The following CHN1 variants were observed in gnomAD, a reference collection of about 807,000 sequenced individuals.
The protein encoded by CHN1 is N-chimaerin.
CHN1 carries 37 observed loss-of-function variants against 59.5 expected under a neutral mutation model. That is an observed-to-expected ratio of 0.62 (90% CI 0.48 to 0.82). The LOEUF (loss-of-function observed/expected upper bound fraction) is 0.82, where lower values mean the gene tolerates loss of function less well. CHN1 is among the 40% of genes least tolerant of loss of function. CHN1 has a pLI of 0.00. For missense variants in CHN1, 469 were observed against 571.0 expected (o/e 0.82, Z 1.82); for synonymous variants, 206 against 200.4 (o/e 1.03, Z -0.24).
chr2:174,803,047 A>G (rs959027702), intron 11 of CHN1, among the ~76,000 whole-genome samples: 4 of 152,040 alleles, frequency 2.6e-5, no homozygotes, highest in Non-Finnish European at 4.4e-5. Context: ...TTGGGGGGGA[A>G]TTAAAAAAAG....
At chr2:174,918,605 G>T in intron 3 of CHN1, 40 bp from the exon 4 acceptor site, 1 of 1,514,316 alleles carries the variant, frequency 6.6e-7, no homozygotes, top group South Asian at 1.2e-5. Flanking sequence ...TTGTAAAAAT[G>T]CAAATGTGCA....
intron 11 of CHN1, chr2:174,802,036 G>A (rs1684739925): frequency 2.6e-6 from 1 of 391,616 alleles, no homozygotes. Flanking sequence ...TTTTGGGGAT[G>A]GAGGGAACAT....
At chr2:174,975,144 C>T (rs540755566) in intron 1 of CHN1, among the ~76,000 whole-genome samples, 14 of 152,202 alleles carry the variant, frequency 9.2e-5, no homozygotes, top group African/African-American at 3.4e-4. Context: ...TAGCAAAAAG[C>T]TGACACAATC....
At chr2:174,947,120 A>G (rs1426955108) in intron 2 of CHN1, among the ~76,000 whole-genome samples, 1 of 152,132 alleles carries the variant, frequency 6.6e-6, no homozygotes, top group Admixed American at 6.6e-5. Context: ...GTTAATACAG[A>G]AAGTAAAATG....
At chr2:174,915,514 GA>G (rs202071415) in intron 4 of CHN1, among the ~76,000 whole-genome samples, 437 of 140,866 alleles carry the variant, frequency 3.1e-3, no homozygotes, top group African/African-American at 7.1e-3. Flanking sequence ...CTAAAGAAAA[GA>G]AAAAAAAAAA....
At chr2:174,826,528 G>T (rs770223702) in intron 7 of CHN1, among the ~76,000 whole-genome samples, 1 of 152,182 alleles carries the variant, frequency 6.6e-6, no homozygotes, top group Non-Finnish European at 1.5e-5. Flanking sequence ...TGCAATGAAA[G>T]TATGAAGGAA....
At chr2:174,967,679 T>C (rs1690636616) in intron 1 of CHN1, among the ~76,000 whole-genome samples, 1 of 152,258 alleles carries the variant, frequency 6.6e-6, no homozygotes, top group Admixed American at 6.5e-5. Flanking sequence ...AGTGGAGATT[T>C]TCCTTGTCAG....
At chr2:174,860,666 A>G (rs1010143642) in intron 6 of CHN1, among the ~76,000 whole-genome samples, 2 of 152,182 alleles carry the variant, frequency 1.3e-5, no homozygotes, top group African/African-American at 4.8e-5. Flanking sequence ...TAATAAATAA[A>G]TTGTAATTGA....
chr2:174,842,211 G>A (rs1404303397), intron 7 of CHN1, among the ~76,000 whole-genome samples: 3 of 152,106 alleles, frequency 2.0e-5, no homozygotes, highest in Non-Finnish European at 4.4e-5. Flanking sequence ...ACTAGACATC[G>A]GGAAAGGGCA....
At position 174,827,687 on chromosome 2, in the gene CHN1, C is replaced by T. The variant is rs116712155; in HGVS notation, c.628-3169G>A. 4.7e-3 allele frequency among the ~76,000 whole-genome samples: 708 copies of T among 151,970 alleles called. 5 individuals are homozygous for T. Among genetic ancestry groups the T allele is most frequent in the African/African-American group, 0.016 (669 of 41,486 alleles). On this transcript the variant is annotated intron_variant, in intron 7 of 12. Coordinates refer to ENST00000409900, the MANE Select transcript of CHN1 (RefSeq NM_001822.7). ...CTATGGCAGTCACCCAGACAACAGA[C>T]GATATGGAGCTGAACTCGGGCAGTG...
intron 6 of CHN1, among the ~76,000 whole-genome samples, chr2:174,869,989 G>T (rs1420859971): frequency 6.6e-6 from 1 of 152,144 alleles, no homozygotes; most frequent in African/African-American, 2.4e-5. Flanking sequence ...ACTAAACACT[G>T]TTAGTAAATA....
At chr2:174,966,354 C>T (rs1384498967) in intron 1 of CHN1, among the ~76,000 whole-genome samples, 2 of 151,948 alleles carry the variant, frequency 1.3e-5, no homozygotes, top group Non-Finnish European at 1.5e-5. Context: ...AAAACAAACA[C>T]TTCTGAAACT....
chr2:174,951,328 A>C (rs1293002267), intron 2 of CHN1, among the ~76,000 whole-genome samples: 3 of 152,196 alleles, frequency 2.0e-5, no homozygotes, highest in Non-Finnish European at 2.9e-5. Context: ...CATAAGACCA[A>C]TGAGAATCTG....
At chr2:174,986,918 A>G (rs1691367006) in intron 1 of CHN1, among the ~76,000 whole-genome samples, 1 of 151,608 alleles carries the variant, frequency 6.6e-6, no homozygotes, top group Non-Finnish European at 1.5e-5. Context: ...TTGTATTTTT[A>G]GTAGAGACAG....
At chr2:174,990,644 T>G (rs1198414705) in intron 1 of CHN1, among the ~76,000 whole-genome samples, 1 of 152,214 alleles carries the variant, frequency 6.6e-6, no homozygotes, top group Non-Finnish European at 1.5e-5. Flanking sequence ...CTTTTCTTGT[T>G]CTTTTGAAAT....
intron 3 of CHN1, among the ~76,000 whole-genome samples, chr2:174,922,891 T>C (rs1689054204): frequency 6.6e-6 from 1 of 151,990 alleles, no homozygotes; most frequent in South Asian, 2.1e-4. Context: ...GAAATAACAA[T>C]ACAGAATGAC....
intron 3 of CHN1, among the ~76,000 whole-genome samples, chr2:174,920,622 TA>T (rs1250475501): frequency 6.6e-6 from 1 of 152,188 alleles, no homozygotes. Context: ...TCAAGTCTGA[TA>T]CTGTTTTCAG....
chr2:175,000,700 T>C (rs1460337395), intron 1 of CHN1, among the ~76,000 whole-genome samples: 2 of 152,132 alleles, frequency 1.3e-5, no homozygotes, highest in Admixed American at 1.3e-4. Flanking sequence ...CACCTCGGCC[T>C]CCCAAAATGC....
intron 3 of CHN1, among the ~76,000 whole-genome samples, chr2:174,921,805 C>T (rs748970486): frequency 2.0e-5 from 3 of 152,112 alleles, no homozygotes; most frequent in Non-Finnish European, 4.4e-5. Context: ...CTCACTATCA[C>T]GAGAACTCCA....
Sources: gnomAD v4.1 joint callset for allele counts (sites outside exome capture counted in the v4.1 genomes callset) on GRCh38, gnomAD v4.1.1 for gene constraint, MANE v1.5 for transcripts, NCBI Gene and HGNC (gene_info 2026-07-23, HGNC 2026-07-21) for gene names.